PEX14: variants seen among roughly 807,000 people sequenced by gnomAD.
PEX14 encodes the protein peroxisomal biogenesis factor 14, also known as peroxisomal membrane protein PEX14.
Under a neutral mutation model 49.5 loss-of-function variants are expected in PEX14, and 15 were observed. The ratio of observed to expected loss-of-function variants is 0.30; its 90% CI spans 0.20 to 0.47. The LOEUF is 0.47. PEX14 is among the 20% of genes least tolerant of loss of function. The pLI is 1.00. For missense variants in PEX14, 398 were observed against 494.8 expected (o/e 0.80, Z 1.86); for synonymous variants, 210 against 212.7 (o/e 0.99, Z 0.11).
intron 3 of PEX14, among the ~76,000 whole-genome samples, chr1:10,546,077 AT>A (rs1333705921): frequency 6.6e-6 from 1 of 152,062 alleles, no homozygotes; most frequent in Non-Finnish European, 1.5e-5. Context: ...GTAGAATTAA[AT>A]GAAAATGATA....
intron 2 of PEX14, among the ~76,000 whole-genome samples, chr1:10,498,754 T>C (rs1216927163): frequency 6.6e-6 from 1 of 152,230 alleles, no homozygotes. Flanking sequence ...AACTCCAAGT[T>C]GAAATTCTCT....
chr1:10,516,668 A>G (rs549402646), intron 2 of PEX14, among the ~76,000 whole-genome samples: 1 of 152,366 alleles, frequency 6.6e-6, no homozygotes, highest in East Asian at 1.9e-4. Context: ...ACCAGCTTCT[A>G]GCTACTTGCA....
intron 1 of PEX14, among the ~76,000 whole-genome samples, chr1:10,477,853 C>T (rs1441556993): frequency 1.3e-5 from 2 of 152,162 alleles, no homozygotes; most frequent in African/African-American, 4.8e-5. Context: ...TAGGACCTAT[C>T]TCACAGAGTT....
At chr1:10,608,865 TTA>T (rs1641198724) in intron 4 of PEX14, among the ~76,000 whole-genome samples, 4 of 152,294 alleles carry the variant, frequency 2.6e-5, no homozygotes, top group African/African-American at 9.6e-5. Context: ...TAAATCAGCT[TTA>T]GAGTACTTCA....
chr1:10,599,211 C>T, intron 3 of PEX14, 27 bp from the exon 4 acceptor site: 2 of 1,612,890 alleles, frequency 1.2e-6, no homozygotes, highest in South Asian at 1.1e-5. Flanking sequence ...AAGGTACTCA[C>T]CTGCAATGAT....
intron 1 of PEX14, among the ~76,000 whole-genome samples, chr1:10,477,913 G>GA (rs1182900233): frequency 6.6e-6 from 1 of 152,084 alleles, no homozygotes; most frequent in East Asian, 1.9e-4. Context: ...TTTTGAGACC[G>GA]AGTCTCACTC....
intron 3 of PEX14, among the ~76,000 whole-genome samples, chr1:10,558,718 C>T (rs1417562369): frequency 2.4e-5 from 3 of 127,040 alleles, no homozygotes; most frequent in Non-Finnish European, 4.7e-5. Flanking sequence ...GTCTGGGCGA[C>T]AGAATGAGAC....
intron 4 of PEX14, among the ~76,000 whole-genome samples, chr1:10,606,459 G>A (rs950600360): frequency 6.6e-6 from 1 of 152,158 alleles, no homozygotes; most frequent in African/African-American, 2.4e-5. Flanking sequence ...TCCTGATCTC[G>A]TCAGCACATG....
At chr1:10,557,299 A>G (rs1012750182) in intron 3 of PEX14, among the ~76,000 whole-genome samples, 1 of 152,198 alleles carries the variant, frequency 6.6e-6, no homozygotes, top group Admixed American at 6.5e-5. Flanking sequence ...AAAACCTCAG[A>G]GTTAGGCTGG....
At chr1:10,475,523 C>T (rs894798111) in intron 1 of PEX14, among the ~76,000 whole-genome samples, 1 of 152,218 alleles carries the variant, frequency 6.6e-6, no homozygotes. Context: ...CGAGCCCTCT[C>T]AGTGCGTTGA....
intron 2 of PEX14, among the ~76,000 whole-genome samples, chr1:10,526,837 G>A (rs1282315701): frequency 6.6e-6 from 1 of 152,124 alleles, no homozygotes; most frequent in African/African-American, 2.4e-5. Flanking sequence ...TGCTCATCCT[G>A]TAGCAGGATC....
At chr1:10,477,733 C>T (rs1641219571) in intron 1 of PEX14, among the ~76,000 whole-genome samples, 1 of 152,172 alleles carries the variant, frequency 6.6e-6, no homozygotes, top group Non-Finnish European at 1.5e-5. Context: ...TAAAGCCAGA[C>T]CCACTGGCTT....
chr1:10,502,634 T>C (rs1311477613), intron 2 of PEX14, among the ~76,000 whole-genome samples: 1 of 152,146 alleles, frequency 6.6e-6, no homozygotes, highest in Non-Finnish European at 1.5e-5. Context: ...CTGGCTTTTA[T>C]AGTAATGCTT....
At chr1:10,484,704 C>T (rs1270778422) in intron 1 of PEX14, among the ~76,000 whole-genome samples, 1 of 151,632 alleles carries the variant, frequency 6.6e-6, no homozygotes, top group South Asian at 2.1e-4. Context: ...ATTGAGAAAT[C>T]TGTCAGGACT....
At position 10,495,387 on chromosome 1, in the gene PEX14, C is replaced by A. The variant is rs1191381716; in HGVS notation, c.84+66C>A. On this transcript the variant is annotated intron_variant, in intron 2 of 8. Transcript: ENST00000356607. This position sits in a 1 kb window ranked among gnomAD's most constrained non-coding sequence, Gnocchi z 4.2. ...AAATGCCACGCGAGTGAAAAGAAAC[C>A]TTCTGTTCCTATGGTTCTGCGTCAG... 1 of 1,278,966 alleles carries A rather than the reference C, an allele frequency of 7.8e-7. No individual in the cohort carries two copies. The highest frequency in any genetic ancestry group is 1.5e-5 in the African/African-American group (1 of 68,364). 79.2% of individuals were successfully genotyped at this position (1,278,966 alleles called of 1,614,324 possible). A position where few individuals can be genotyped will look rare whatever the true frequency, so the allele number is the denominator to read the frequency against.
intron 1 of PEX14, among the ~76,000 whole-genome samples, chr1:10,486,916 T>G (rs1192639296): frequency 6.6e-6 from 1 of 152,110 alleles, no homozygotes; most frequent in East Asian, 1.9e-4. Flanking sequence ...CTTGAACTCC[T>G]GACCCTGTGA....
chr1:10,544,754 C>CT (rs70997247), intron 3 of PEX14, among the ~76,000 whole-genome samples: 13 of 148,382 alleles, frequency 8.8e-5, no homozygotes, highest in South Asian at 2.1e-4. Context: ...ATAGATTAGC[C>CT]TTTTTTTTTT....
At chr1:10,528,887 TGAGGTC>T (rs1260783693) in intron 2 of PEX14, among the ~76,000 whole-genome samples, 3 of 152,252 alleles carry the variant, frequency 2.0e-5, no homozygotes, top group African/African-American at 7.2e-5. Context: ...CCTTCTCTGC[TGAGGTC>T]ACTGCTACCG....
chr1:10,548,301 T>C (rs1639232858), intron 3 of PEX14, among the ~76,000 whole-genome samples: 1 of 152,190 alleles, frequency 6.6e-6, no homozygotes, highest in Admixed American at 6.5e-5. Flanking sequence ...TTAATGAGAT[T>C]TATCTGCTAA....
Sources: allele counts gnomAD v4.1 joint callset (sites outside exome capture counted in the v4.1 genomes callset), GRCh38; gene constraint gnomAD v4.1.1; non-coding constraint Gnocchi (gnomAD v3.1); transcripts MANE v1.5; gene names NCBI Gene and HGNC (gene_info 2026-07-23, HGNC 2026-07-21).